BBOX1: variants seen among roughly 807,000 people sequenced by gnomAD.
BBOX1 encodes gamma-butyrobetaine hydroxylase 1.
BBOX1 carries 35 observed loss-of-function variants against 41.6 expected under a neutral mutation model. The ratio of observed to expected loss-of-function variants is 0.84; its 90% CI spans 0.64 to 1.11. The LOEUF is 1.11. BBOX1 is among the 50% of genes most tolerant of loss of function. The pLI, the probability that BBOX1 is intolerant of heterozygous loss-of-function variation, is 0.00. For synonymous variants in BBOX1, 163 were observed against 154.7 expected, an observed-to-expected ratio of 1.05 and a Z score of -0.40; for missense variants, 458 against 460.6, an observed-to-expected ratio of 0.99 and a Z score of 0.05.
intron 7 of BBOX1, among the ~76,000 whole-genome samples, chr11:27,122,386 C>T (rs1470391351): frequency 6.6e-6 from 1 of 152,056 alleles, no homozygotes; most frequent in Non-Finnish European, 1.5e-5. Context: ...AAAAATACTG[C>T]CACACATGAT....
intron 5 of BBOX1, among the ~76,000 whole-genome samples, chr11:27,099,023 AT>A (rs1340581787): frequency 6.6e-6 from 1 of 151,898 alleles, no homozygotes; most frequent in Non-Finnish European, 1.5e-5. Flanking sequence ...GTCTCAGGAA[AT>A]TTTAATGAAA....
chr11:27,125,921 T>A, intron 8 of BBOX1, 101 bp downstream of exon 8: 1 of 1,245,894 alleles, frequency 8.0e-7, no homozygotes, highest in Non-Finnish European at 1.1e-6. Flanking sequence ...GTATGGCATG[T>A]AGAACACCAA....
intron 4 of BBOX1, among the ~76,000 whole-genome samples, chr11:27,069,417 AT>A (rs1857378253): frequency 6.6e-6 from 1 of 152,100 alleles, no homozygotes; most frequent in Admixed American, 6.5e-5. Context: ...GTGTACATTA[AT>A]TTTGTAACCT....
intron 5 of BBOX1, among the ~76,000 whole-genome samples, chr11:27,097,033 AATG>A (rs1217413118): frequency 6.6e-6 from 1 of 152,018 alleles, no homozygotes; most frequent in Non-Finnish European, 1.5e-5. Flanking sequence ...CTCACTTGAT[AATG>A]ATGAATACTT....
chr11:27,105,368 C>T (rs1360187299), intron 5 of BBOX1, among the ~76,000 whole-genome samples: 2 of 152,108 alleles, frequency 1.3e-5, no homozygotes, highest in African/African-American at 4.8e-5. Flanking sequence ...AAATGGCTAA[C>T]TAGAATAACC....
Position 27,127,516 on chromosome 11 carries a change from A to T in BBOX1, c.*63A>T, listed in dbSNP as rs1859711584. On this transcript the variant is annotated 3_prime_UTR_variant, in exon 9 of 9. Transcript: ENST00000263182. Reference sequence around the variant, plus strand: ...CATATTTTGTGAGATATGGCACATTATTCACAGACCATGATCTTTGTGATT... The same window carrying T: ...CATATTTTGTGAGATATGGCACATTTTTCACAGACCATGATCTTTGTGATT... The T allele has an allele frequency of 5.3e-6, 8 of 1,507,684 alleles. No homozygotes were observed. The Admixed American group carries it at 1.8e-4, about 33-fold the overall frequency. 93.4% of individuals were successfully genotyped at this position (1,507,684 alleles called of 1,614,324 possible).
intron 4 of BBOX1, among the ~76,000 whole-genome samples, chr11:27,061,897 C>T (rs540357551): frequency 5.9e-5 from 9 of 152,216 alleles, no homozygotes; most frequent in African/African-American, 2.2e-4. Flanking sequence ...AAGGAAATAT[C>T]AAGATTTTTT....
At chr11:27,048,610 A>G (rs1034526381) in intron 2 of BBOX1, among the ~76,000 whole-genome samples, 5 of 152,066 alleles carry the variant, frequency 3.3e-5, no homozygotes, top group African/African-American at 7.2e-5. Context: ...TCATTTATCA[A>G]TGGACAATTA....
At chr11:27,091,880 A>T (rs1332575044) in intron 4 of BBOX1, among the ~76,000 whole-genome samples, 1 of 151,974 alleles carries the variant, frequency 6.6e-6, no homozygotes, top group East Asian at 1.9e-4. Context: ...TCGTCCTGGA[A>T]ATTCTGGCTC....
At chr11:27,119,627 A>C in intron 6 of BBOX1, 22 bp from the exon 7 acceptor site, 1 of 1,263,320 alleles carries the variant, frequency 7.9e-7, no homozygotes, top group East Asian at 2.9e-5. Context: ...TTTATTTAAT[A>C]ATGCATATTT....
At chr11:27,083,153 C>T (rs1857909832) in intron 4 of BBOX1, among the ~76,000 whole-genome samples, 1 of 152,144 alleles carries the variant, frequency 6.6e-6, no homozygotes, top group Non-Finnish European at 1.5e-5. Context: ...TGCACTCAGA[C>T]ACAATCTCAT....
At chr11:27,047,623 G>A (rs1438413029) in intron 2 of BBOX1, among the ~76,000 whole-genome samples, 1 of 152,020 alleles carries the variant, frequency 6.6e-6, no homozygotes, top group Non-Finnish European at 1.5e-5. Flanking sequence ...ATATATATCA[G>A]CACACAAAGA....
chr11:27,086,522 A>G (rs1858046171), intron 4 of BBOX1, among the ~76,000 whole-genome samples: 2 of 152,148 alleles, frequency 1.3e-5, no homozygotes, highest in African/African-American at 4.8e-5. Context: ...CTGCTCAGAA[A>G]GAGAAGATGC....
chr11:27,057,063 T>TAAAAAAAAAAAAAAAAAAAAAA lies in BBOX1; in HGVS notation c.220-138_220-137insAAAAAAAAAAAAAAAAAAAAAA, dbSNP rs1459422645. The stretch of plus-strand genomic sequence containing the variant: ...CCTGGCAACAGAGGAAGACTCCGAC[T>TAAAAAAAAAAAAAAAAAAAAAA]TAAAAAAAAAAAAAAAAAAAAATTA... On this transcript the variant is annotated intron_variant, in intron 3 of 8. Transcript: ENST00000263182. The TAAAAAAAAAAAAAAAAAAAAAA allele has an allele frequency of 2.8e-3, 420 of 149,624 alleles. 151 individuals are homozygous for TAAAAAAAAAAAAAAAAAAAAAA. Among genetic ancestry groups the TAAAAAAAAAAAAAAAAAAAAAA allele is most frequent in the East Asian group, 4.9e-3 (31 of 6,348 alleles). 9.3% of individuals were successfully genotyped at this position (149,624 alleles called of 1,614,324 possible). A position where few individuals can be genotyped will look rare whatever the true frequency, so the allele number is the denominator to read the frequency against.
chr11:27,093,423 C>G lies in BBOX1; in HGVS notation c.533+57C>G, dbSNP rs1290337711. 20 of 1,542,268 alleles carry G rather than the reference C, an allele frequency of 1.3e-5. No homozygotes were observed. The East Asian group carries it at 4.3e-4, about 33-fold the overall frequency. On this transcript the variant is annotated intron_variant, in intron 5 of 8. Coordinates refer to ENST00000263182, the MANE Select transcript of BBOX1 (RefSeq NM_003986.3). Reference sequence around the variant, plus strand: ...CACAGATAAGGTTTGAAATAGTTCCCAACTGAGGACGACCGCCTTGATTGA... The same window carrying G: ...CACAGATAAGGTTTGAAATAGTTCCGAACTGAGGACGACCGCCTTGATTGA...
intron 2 of BBOX1, among the ~76,000 whole-genome samples, chr11:27,044,521 T>C (rs1851436329): frequency 6.6e-6 from 1 of 152,190 alleles, no homozygotes; most frequent in Non-Finnish European, 1.5e-5. Flanking sequence ...GCTTATGTCC[T>C]GAATGATATT....
chr11:27,065,664 A>G (rs1367318502), intron 4 of BBOX1, among the ~76,000 whole-genome samples: 3 of 152,274 alleles, frequency 2.0e-5, no homozygotes, highest in South Asian at 2.1e-4. Flanking sequence ...AACTCCATCC[A>G]TACTTCCAGC....
chr11:27,062,918 T>G (rs1349075649), intron 4 of BBOX1: 1 of 152,360 alleles, frequency 6.6e-6, no homozygotes, highest in Admixed American at 6.5e-5. Flanking sequence ...TGCTTGGCTC[T>G]TGGCTTATAT....
chr11:27,059,102 T>C (rs1009406340), intron 4 of BBOX1, among the ~76,000 whole-genome samples: 1 of 152,158 alleles, frequency 6.6e-6, no homozygotes, highest in Admixed American at 6.5e-5. Context: ...AATGCTTTCC[T>C]GGGCCAAGGG....
Sources: allele counts gnomAD v4.1 joint callset (sites outside exome capture counted in the v4.1 genomes callset), GRCh38; gene constraint gnomAD v4.1.1; transcripts MANE v1.5; gene names NCBI Gene and HGNC (gene_info 2026-07-23, HGNC 2026-07-21).